The following SHANK2 variants were observed in gnomAD, a reference collection of about 807,000 sequenced individuals.
The protein encoded by SHANK2 is SH3 and multiple ankyrin repeat domains 2.
A neutral mutation model predicts 133.7 loss-of-function variants in SHANK2; 43 were observed. The ratio of observed to expected loss-of-function variants is 0.32; its 90% CI spans 0.25 to 0.41. SHANK2 has a LOEUF of 0.41. Among genes scored for constraint, SHANK2 ranks in the 10% least tolerant of loss-of-function variants. The pLI is 1.00. For synonymous variants in SHANK2, 1,017 were observed against 952.8 expected (o/e 1.07, Z -1.24); for missense variants, 1,994 against 2,235.8 (o/e 0.89, Z 2.18).
chr11:70,685,679 C>T (rs971071893), intron 15 of SHANK2, among the ~76,000 whole-genome samples: 9 of 152,224 alleles, frequency 5.9e-5, no homozygotes, highest in East Asian at 3.9e-4. Flanking sequence ...CTGGAGAGAA[C>T]GGGGCAGCAG....
chr11:71,091,875 T>C (rs1325583093), intron 8 of SHANK2, among the ~76,000 whole-genome samples: 2 of 152,164 alleles, frequency 1.3e-5, no homozygotes, highest in Non-Finnish European at 2.9e-5. Context: ...CGTCCACACC[T>C]CTACCTGATC....
At chr11:71,106,344 G>A (rs1951801324) in intron 6 of SHANK2, among the ~76,000 whole-genome samples, 1 of 152,362 alleles carries the variant, frequency 6.6e-6, no homozygotes, top group East Asian at 1.9e-4. Context: ...GCTCACGCCT[G>A]TAATCCAAAC....
intron 2 of SHANK2, among the ~76,000 whole-genome samples, chr11:71,187,438 G>A (rs1555114643): frequency 6.6e-6 from 1 of 151,934 alleles, no homozygotes; most frequent in Admixed American, 6.5e-5. Context: ...AGTTCTTCAT[G>A]GGTTTCTCGT....
intron 10 of SHANK2, among the ~76,000 whole-genome samples, chr11:70,916,307 G>T (rs1014383352): frequency 2.0e-5 from 3 of 152,166 alleles, no homozygotes; most frequent in Non-Finnish European, 4.4e-5. Context: ...GGGAAAGGTT[G>T]GGGGACATGG....
At chr11:71,078,147 G>T (rs1951245640) in intron 8 of SHANK2, among the ~76,000 whole-genome samples, 2 of 145,366 alleles carry the variant, frequency 1.4e-5, no homozygotes, top group East Asian at 2.0e-4. Flanking sequence ...GAAATATCTT[G>T]TTGTGCCAGA....
At chr11:70,546,882 A>G (rs1168384695) in intron 17 of SHANK2, among the ~76,000 whole-genome samples, 2 of 152,192 alleles carry the variant, frequency 1.3e-5, no homozygotes, top group Admixed American at 6.5e-5. Context: ...AGCTATGATT[A>G]AGATTCTTTG....
At chr11:70,741,726 G>A (rs1555034815) in intron 14 of SHANK2, among the ~76,000 whole-genome samples, 2 of 152,196 alleles carry the variant, frequency 1.3e-5, no homozygotes, top group East Asian at 3.8e-4. Flanking sequence ...GAAACTAGCA[G>A]AAAACCTACT....
At chr11:70,898,986 A>G (rs1364572022) in intron 10 of SHANK2, among the ~76,000 whole-genome samples, 1 of 152,200 alleles carries the variant, frequency 6.6e-6, no homozygotes, top group Non-Finnish European at 1.5e-5. Context: ...TCTGGTCACA[A>G]ATGTGTGCTA....
chr11:70,679,636 A>G (rs547159255), intron 15 of SHANK2, among the ~76,000 whole-genome samples: 55 of 152,374 alleles, frequency 3.6e-4, no homozygotes, highest in African/African-American at 1.3e-3. Context: ...GGGCACCTCC[A>G]CTGAACGGGA....
At chr11:70,703,546 T>G (rs1334605739) in intron 14 of SHANK2, among the ~76,000 whole-genome samples, 1 of 152,130 alleles carries the variant, frequency 6.6e-6, no homozygotes, top group African/African-American at 2.4e-5. Flanking sequence ...TGCTGTGCAC[T>G]GCGCTGAGAG....
intron 11 of SHANK2, 45 bp downstream of exon 11, chr11:70,896,456 T>C (rs1949935812): frequency 1.4e-6 from 1 of 692,344 alleles, no homozygotes; most frequent in Admixed American, 2.1e-5. Flanking sequence ...CCTCAGAGCA[T>C]CTCCAAACCA....
At chr11:70,573,549 CG>C (rs544869059) in intron 17 of SHANK2, among the ~76,000 whole-genome samples, 8,082 of 104,760 alleles carry the variant, frequency 0.077, 161 homozygotes, top group African/African-American at 0.19. Flanking sequence ...TGTGTGGGGG[CG>C]GGGGGGGGGT....
intron 1 of SHANK2, among the ~76,000 whole-genome samples, chr11:71,228,387 T>C (rs571657698): frequency 2.7e-5 from 4 of 150,030 alleles, no homozygotes; most frequent in Admixed American, 1.3e-4. Flanking sequence ...GAAAGTAGAA[T>C]AGGAGAGAAC....
chr11:70,712,208 C>A (rs535461206), intron 14 of SHANK2, among the ~76,000 whole-genome samples: 2 of 152,336 alleles, frequency 1.3e-5, no homozygotes, highest in South Asian at 4.1e-4. Context: ...TCCTTCCCCC[C>A]ACTGCATTGC....
At chr11:70,805,187 G>A (rs968971062) in intron 13 of SHANK2, among the ~76,000 whole-genome samples, 1 of 152,080 alleles carries the variant, frequency 6.6e-6, no homozygotes, top group Non-Finnish European at 1.5e-5. Flanking sequence ...CTTCTCCTTG[G>A]GCATCAGTGA....
At chr11:71,217,377 C>T (rs954253714) in intron 2 of SHANK2, among the ~76,000 whole-genome samples, 2 of 151,432 alleles carry the variant, frequency 1.3e-5, no homozygotes, top group African/African-American at 4.9e-5. Context: ...CACGGTGGCG[C>T]GCCTGTAATC....
At chr11:70,870,343 T>A (rs1033378649) in intron 11 of SHANK2, among the ~76,000 whole-genome samples, 1 of 151,604 alleles carries the variant, frequency 6.6e-6, no homozygotes, top group Non-Finnish European at 1.5e-5. Flanking sequence ...ATAGAAAAAG[T>A]GGAAGGGGCT....
At chr11:71,213,658 T>C (rs782188520) in intron 2 of SHANK2, among the ~76,000 whole-genome samples, 12 of 152,180 alleles carry the variant, frequency 7.9e-5, no homozygotes, top group Non-Finnish European at 1.6e-4. Flanking sequence ...ACTGACTCCC[T>C]GTGGGAAAAG....
At chr11:71,120,021 G>T (rs375092164) in intron 3 of SHANK2, among the ~76,000 whole-genome samples, 1 of 152,126 alleles carries the variant, frequency 6.6e-6, no homozygotes, top group East Asian at 1.9e-4. Flanking sequence ...AAGGACACAG[G>T]AAAGCAATTA....
Sources: gnomAD v4.1 joint callset for allele counts (sites outside exome capture counted in the v4.1 genomes callset) on GRCh38, gnomAD v4.1.1 for gene constraint, MANE v1.5 for transcripts, NCBI Gene and HGNC (gene_info 2026-07-23, HGNC 2026-07-21) for gene names.